FYCO1: variants seen among roughly 807,000 people sequenced by gnomAD.
FYCO1 encodes FYVE and coiled-coil domain-containing protein 1.
In FYCO1, 122 loss-of-function variants were observed where a neutral mutation model predicts 165.1. The observed-to-expected ratio is 0.74, with a 90% CI of 0.64 to 0.86. The LOEUF (loss-of-function observed/expected upper bound fraction) is 0.86, where lower values mean the gene tolerates loss of function less well. Among genes scored for constraint, FYCO1 ranks in the 40% least tolerant of loss-of-function variants. The pLI, the probability that FYCO1 is intolerant of heterozygous loss-of-function variation, is 0.00. For synonymous variants in FYCO1, 648 were observed against 742.5 expected (o/e 0.87, Z 2.07); for missense variants, 1,702 against 1,810.3 (o/e 0.94, Z 1.09).
intron 14 of FYCO1, among the ~76,000 whole-genome samples, chr3:45,937,998 T>C (rs1703992392): frequency 6.6e-6 from 1 of 152,200 alleles, no homozygotes; most frequent in Non-Finnish European, 1.5e-5. Context: ...TGCTTTTGTT[T>C]GCTTTCATCC....
Position 45,964,268 on chromosome 3 carries a change from T to TA in FYCO1, c.3269+67dup. On this transcript the variant is annotated intron_variant, in intron 10 of 17. Coordinates refer to ENST00000296137, the MANE Select transcript of FYCO1 (RefSeq NM_024513.4). The surrounding 1 kb of genome is among the most constrained non-coding windows in gnomAD (Gnocchi z 4.1). The stretch of plus-strand genomic sequence containing the variant: ...AACCTAATATGAGTGACTGACTTTC[T>TA]AAATGACGAGACCAAACACTCCTTC... The TA allele has an allele frequency of 8.1e-7, 1 of 1,237,704 alleles. No individual in the cohort carries two copies. The highest frequency in any genetic ancestry group is 1.2e-6 in the Non-Finnish European group (1 of 837,376). 76.7% of individuals were successfully genotyped at this position (1,237,704 alleles called of 1,614,324 possible).
At chr3:45,988,635 G>C (rs1204449827) in intron 1 of FYCO1, among the ~76,000 whole-genome samples, 1 of 152,158 alleles carries the variant, frequency 6.6e-6, no homozygotes, top group Non-Finnish European at 1.5e-5. Context: ...TCTCTGACAG[G>C]CTCTTTCAAA....
intron 17 of FYCO1, 146 bp from the exon 18 acceptor site, chr3:45,921,986 T>C: frequency 1.4e-6 from 1 of 699,658 alleles, no homozygotes; most frequent in East Asian, 2.8e-5. Context: ...CCTGTCTGTC[T>C]AGTGGAGTTC....
At chr3:45,923,560 C>T (rs1161131680) in intron 17 of FYCO1, 96 bp downstream of exon 17, 12 of 802,992 alleles carry the variant, frequency 1.5e-5, no homozygotes, top group East Asian at 4.9e-5. Context: ...TAATAAGTTA[C>T]TGACAAATAA....
rs192168584 is a variant in FYCO1 at position 45,976,803 on chromosome 3, G to A, written c.289-1458C>T. Among the ~76,000 whole-genome samples, 534 of 152,258 alleles carry A rather than the reference G, an allele frequency of 3.5e-3. 2 individuals carry two copies. Among genetic ancestry groups the A allele is most frequent in the African/African-American group, 0.012 (508 of 41,546 alleles). Reference sequence around the variant, plus strand: ...GCTCAGAACTATATTTCTTCTTACTGCTGACTCAAGGAAATGATACCATAT... The same window carrying A: ...GCTCAGAACTATATTTCTTCTTACTACTGACTCAAGGAAATGATACCATAT... On this transcript the variant is annotated intron_variant, in intron 4 of 17. Transcript: ENST00000296137.
At chr3:45,958,741 G>C in intron 12 of FYCO1, 122 bp from the exon 13 acceptor site, 1 of 893,322 alleles carries the variant, frequency 1.1e-6, no homozygotes, top group Non-Finnish European at 1.8e-6. Context: ...CTGCCCCCAA[G>C]TTAGGATGTG....
chr3:45,973,291 C>A lies in FYCO1; in HGVS notation c.396-60G>T. ...AGATAAAGTATGAATTTACTCAGTC[C>A]TCCCACTGTGGCTCTGCCTCATCGA... On this transcript the variant is annotated intron_variant, in intron 5 of 17. Coordinates refer to ENST00000296137, the MANE Select transcript of FYCO1 (RefSeq NM_024513.4). 1.0e-5 allele frequency: 16 copies of A among 1,547,974 alleles called. No homozygotes were observed. The South Asian group carries it at 1.7e-4, about 16-fold the overall frequency.
intron 5 of FYCO1, among the ~76,000 whole-genome samples, chr3:45,974,564 AT>A (rs1324110062): frequency 3.3e-5 from 5 of 152,108 alleles, no homozygotes; most frequent in African/African-American, 1.2e-4. Flanking sequence ...TTTTTTTTAG[AT>A]TCAAAAAAAT....
chr3:45,960,637 T>C (rs145766904), intron 11 of FYCO1, among the ~76,000 whole-genome samples: 3 of 152,318 alleles, frequency 2.0e-5, no homozygotes, highest in Admixed American at 1.3e-4. Flanking sequence ...AACTTTCAAA[T>C]TGGTTATAAT....
In FYCO1 at chr3:45,967,341, C is replaced by A; in HGVS notation, c.1993G>T (p.Ala665Ser). Residue 665 changes from alanine to serine, a missense_variant, in exon 8 of 18, where the codon GCC becomes TCC. Ala to Ser is a moderately conservative substitution (Grantham distance 99, BLOSUM62 1). Coordinates refer to ENST00000296137, the MANE Select transcript of FYCO1 (RefSeq NM_024513.4). ...AAGTGCCGGATGCTGGCCTGCTCGG[C>A]CTCCAGGGAGGCCAAGGAGCCCTGG... The part of the protein sequence containing the change: ...AIQGSLASLE[A>S]EQASIRHLGD... The A allele has an allele frequency of 6.2e-7, 1 of 1,609,458 alleles. No homozygotes were observed.
At chr3:45,992,228 G>T (rs917335299) in intron 1 of FYCO1, among the ~76,000 whole-genome samples, 20 of 152,174 alleles carry the variant, frequency 1.3e-4, no homozygotes, top group Non-Finnish European at 4.4e-5. Flanking sequence ...CATCAACAAG[G>T]CAACCTGGGG....
chr3:45,961,100 T>C (rs980076655), intron 11 of FYCO1, among the ~76,000 whole-genome samples: 1 of 152,072 alleles, frequency 6.6e-6, no homozygotes, highest in African/African-American at 2.4e-5. Flanking sequence ...GGAAACCCAT[T>C]GACTAAAAGG....
chr3:45,964,963 C>T lies in FYCO1; in HGVS notation c.3150+70G>A. ...GGAATCTGGAGGCATGCAGGGAGCC[C>T]TCTTAAATGGTCCAGTCAAAACCAC... On this transcript the variant is annotated intron_variant, in intron 9 of 17. Coordinates refer to ENST00000296137, the MANE Select transcript of FYCO1 (RefSeq NM_024513.4). This position sits in a 1 kb window ranked among gnomAD's most constrained non-coding sequence, Gnocchi z 4.1. 1.6e-6 allele frequency: 2 copies of T among 1,261,812 alleles called. No individual in the cohort carries two copies. The highest frequency in any genetic ancestry group is 2.5e-5 in the South Asian group (2 of 81,586). The allele number at this position is 1,261,812 out of a possible 1,614,324, so 78.2% of individuals were successfully genotyped here.
chr3:45,985,159 T>C (rs573008766), intron 1 of FYCO1, 137 bp from the exon 2 acceptor site: 4 of 606,448 alleles, frequency 6.6e-6, no homozygotes, highest in Non-Finnish European at 1.2e-5. Context: ...GACCTTTCTG[T>C]GTGGGCCTTG....
intron 16 of FYCO1, among the ~76,000 whole-genome samples, chr3:45,928,700 C>T (rs1044131442): frequency 2.6e-5 from 4 of 152,146 alleles, no homozygotes; most frequent in Admixed American, 6.5e-5. Context: ...TCTTCATCAT[C>T]GCCCAGGGGT....
At chr3:45,985,513 A>T (rs1443046137) in intron 1 of FYCO1, among the ~76,000 whole-genome samples, 1 of 152,012 alleles carries the variant, frequency 6.6e-6, no homozygotes, top group Non-Finnish European at 1.5e-5. Context: ...TAGTTGGGGG[A>T]GAGGATGAGG....
chr3:45,928,570 T>C (rs1365816535), intron 16 of FYCO1, among the ~76,000 whole-genome samples: 1 of 152,192 alleles, frequency 6.6e-6, no homozygotes. Flanking sequence ...GTCTGACAGG[T>C]GCCCCTAGAA....
chr3:45,968,237 G>A lies in FYCO1; in HGVS notation c.1097C>T (p.Ala366Val). 3.1e-6 allele frequency: 5 copies of A among 1,614,008 alleles called. No individual in the cohort carries two copies. Among genetic ancestry groups the A allele is most frequent in the Non-Finnish European group, 4.2e-6 (5 of 1,180,032 alleles). ...CATGGCTAGCCAGCCTGGGAAGCTG[G>A]CTAAATGCTGGTTTTTCTTGTCCAG... is the stretch of plus-strand genomic sequence containing the variant. ...DSLDKKNQHL[A>V]SFPGWLAMAQ... Residue 366 changes from alanine to valine, a missense_variant, in exon 8 of 18, where the codon GCC becomes GTC. Ala to Val is a moderately conservative substitution (Grantham distance 64). Transcript: ENST00000296137.
chr3:45,941,344 C>A (rs1704214484), intron 14 of FYCO1: 1 of 152,214 alleles, frequency 6.6e-6, no homozygotes, highest in Non-Finnish European at 1.5e-5. Flanking sequence ...AAATCTGCAG[C>A]AGGTATGTCT....
Sources: allele counts gnomAD v4.1 joint callset (sites outside exome capture counted in the v4.1 genomes callset), GRCh38; gene constraint gnomAD v4.1.1; non-coding constraint Gnocchi (gnomAD v3.1); transcripts MANE v1.5; gene names NCBI Gene and HGNC (gene_info 2026-07-23, HGNC 2026-07-21).